The following SPAG17 variants were observed in gnomAD, a reference collection of about 807,000 sequenced individuals.
The protein encoded by SPAG17 is sperm associated antigen 17, also known as sperm-associated antigen 17.
Under a neutral mutation model 273.6 loss-of-function variants are expected in SPAG17, and 169 were observed. The ratio of observed to expected loss-of-function variants is 0.62; its 90% CI spans 0.55 to 0.70. The LOEUF is 0.70. Ranked by LOEUF, SPAG17 falls within the 30% of genes least tolerant of loss-of-function variation. SPAG17 has a pLI of 0.00. For missense variants in SPAG17, 2,557 were observed against 2,627.8 expected (o/e 0.97, Z 0.59); for synonymous variants, 825 against 873.2 (o/e 0.94, Z 0.97).
intron 10 of SPAG17, among the ~76,000 whole-genome samples, chr1:118,088,274 T>C (rs1655139042): frequency 6.6e-6 from 1 of 152,222 alleles, no homozygotes; most frequent in Admixed American, 6.5e-5. Flanking sequence ...GATCTACTGG[T>C]TGACTTCTAT....
intron 3 of SPAG17, among the ~76,000 whole-genome samples, chr1:118,130,209 T>A (rs12406952): frequency 2.0e-5 from 3 of 152,116 alleles, no homozygotes; most frequent in Admixed American, 2.0e-4. Context: ...AGCAGATGGA[T>A]GCTGCATAGT....
intron 38 of SPAG17, among the ~76,000 whole-genome samples, chr1:117,989,979 C>G (rs1656896196): frequency 6.6e-6 from 1 of 152,090 alleles, no homozygotes; most frequent in Non-Finnish European, 1.5e-5. Context: ...TAAAATTTAA[C>G]TAGGCCTTCT....
At chr1:118,006,071 C>A (rs1658844665) in intron 31 of SPAG17, among the ~76,000 whole-genome samples, 1 of 152,152 alleles carries the variant, frequency 6.6e-6, no homozygotes, top group Admixed American at 6.5e-5. Context: ...TAATAGACTT[C>A]ATGTAATGAA....
chr1:118,090,709 C>A (rs1052469818), intron 10 of SPAG17, among the ~76,000 whole-genome samples: 1 of 151,920 alleles, frequency 6.6e-6, no homozygotes, highest in Non-Finnish European at 1.5e-5. Flanking sequence ...CATAGCAAGG[C>A]CTTGTCTCTC....
At chr1:118,082,358 A>C (rs888653431) in intron 13 of SPAG17, among the ~76,000 whole-genome samples, 4 of 152,204 alleles carry the variant, frequency 2.6e-5, no homozygotes, top group Non-Finnish European at 4.4e-5. Flanking sequence ...ATGGAATTCA[A>C]TCAGAAAAAA....
chr1:118,063,580 T>TA (rs1435394006), intron 18 of SPAG17, among the ~76,000 whole-genome samples: 5 of 152,100 alleles, frequency 3.3e-5, no homozygotes, highest in African/African-American at 1.2e-4. Context: ...ATACAAAAAT[T>TA]AAGTCAAGAT....
chr1:118,040,715 G>T lies in SPAG17; in HGVS notation c.3166+15C>A. 7 of 1,493,438 alleles carry T rather than the reference G, an allele frequency of 4.7e-6. No homozygotes were observed. The highest frequency in any genetic ancestry group is 6.5e-6 in the Non-Finnish European group (7 of 1,069,630). The allele number at this position is 1,493,438 out of a possible 1,614,324, so 92.5% of individuals were successfully genotyped here. On this transcript the variant is annotated intron_variant, in intron 22 of 48. Coordinates refer to ENST00000336338, the MANE Select transcript of SPAG17 (RefSeq NM_206996.4). ...TTATGTTTCCAATCATTAACCAGTTGCTTTCAAAATGTACCTTTTTCAAAC... is the reference window on the plus strand; with the variant it reads ...TTATGTTTCCAATCATTAACCAGTTTCTTTCAAAATGTACCTTTTTCAAAC...
At chr1:118,131,354 C>T (rs956371785) in intron 3 of SPAG17, among the ~76,000 whole-genome samples, 1 of 152,198 alleles carries the variant, frequency 6.6e-6, no homozygotes, top group African/African-American at 2.4e-5. Flanking sequence ...GCTCCATCCC[C>T]TCCTTCAGAT....
chr1:118,006,464 G>A (rs1658892507), intron 31 of SPAG17, among the ~76,000 whole-genome samples: 1 of 152,110 alleles, frequency 6.6e-6, no homozygotes, highest in South Asian at 2.1e-4. Flanking sequence ...TCCATTGTAT[G>A]GCTATATCAG....
intron 18 of SPAG17, among the ~76,000 whole-genome samples, chr1:118,061,727 T>C (rs765221378): frequency 3.3e-5 from 5 of 152,234 alleles, no homozygotes; most frequent in Non-Finnish European, 5.9e-5. Flanking sequence ...TTCATGCATA[T>C]GTTCAACCTC....
intron 4 of SPAG17, among the ~76,000 whole-genome samples, chr1:118,108,311 G>A (rs1172883420): frequency 6.6e-6 from 1 of 152,104 alleles, no homozygotes; most frequent in Non-Finnish European, 1.5e-5. Flanking sequence ...TTTGTACCAA[G>A]CCCCAATCAT....
chr1:118,170,897 G>A (rs1041069479), intron 1 of SPAG17, among the ~76,000 whole-genome samples: 3 of 152,126 alleles, frequency 2.0e-5, no homozygotes, highest in African/African-American at 7.2e-5. Flanking sequence ...ACTAGAAAGA[G>A]CAGAAGCAGG....
At chr1:117,972,305 A>G (rs904244142) in intron 44 of SPAG17, among the ~76,000 whole-genome samples, 2 of 152,234 alleles carry the variant, frequency 1.3e-5, no homozygotes, top group Admixed American at 1.3e-4. Flanking sequence ...ATTCAGACTC[A>G]AGTTTGCCTG....
intron 25 of SPAG17, among the ~76,000 whole-genome samples, chr1:118,029,077 C>T (rs1270164553): frequency 6.6e-6 from 1 of 152,002 alleles, no homozygotes; most frequent in Admixed American, 6.6e-5. Flanking sequence ...CAGTCAGACC[C>T]AGTCTCTTTA....
intron 3 of SPAG17, among the ~76,000 whole-genome samples, chr1:118,138,385 C>G (rs1009313807): frequency 6.6e-6 from 1 of 152,118 alleles, no homozygotes; most frequent in Non-Finnish European, 1.5e-5. Flanking sequence ...TGAGTGAACA[C>G]TGTATCATTT....
intron 43 of SPAG17, 32 bp from the exon 44 acceptor site, chr1:117,973,593 T>C: frequency 6.3e-7 from 1 of 1,594,564 alleles, no homozygotes; most frequent in Non-Finnish European, 8.6e-7. Flanking sequence ...TTATGCCACA[T>C]GGACATTTTA....
intron 4 of SPAG17, among the ~76,000 whole-genome samples, chr1:118,104,667 G>A (rs1656278257): frequency 6.6e-6 from 1 of 152,162 alleles, no homozygotes; most frequent in Admixed American, 6.5e-5. Flanking sequence ...TAAAAAGATA[G>A]GGAAAAATAT....
At chr1:118,135,608 G>T (rs569555771) in intron 3 of SPAG17, among the ~76,000 whole-genome samples, 1 of 152,078 alleles carries the variant, frequency 6.6e-6, no homozygotes, top group East Asian at 1.9e-4. Context: ...TCCCTGACTT[G>T]GTTTACTGTT....
chr1:118,086,087 C>T lies in SPAG17; in HGVS notation c.1612-15G>A. 1 of 1,612,548 alleles carries T rather than the reference C, an allele frequency of 6.2e-7. No individual in the cohort carries two copies. Among genetic ancestry groups the T allele is most frequent in the South Asian group, 1.1e-5 (1 of 90,768 alleles). On this transcript the variant is annotated splice_polypyrimidine_tract_variant and intron_variant, in intron 12 of 48. Transcript: ENST00000336338. ...TTCTTTTGGTCCTGATGAAAAAGAG[C>T]AACATGACAGAAGACATTAGAGTAA... is the stretch of plus-strand genomic sequence containing the variant.
Sources: gnomAD v4.1 joint callset for allele counts (sites outside exome capture counted in the v4.1 genomes callset) on GRCh38, gnomAD v4.1.1 for gene constraint, MANE v1.5 for transcripts, NCBI Gene and HGNC (gene_info 2026-07-23, HGNC 2026-07-21) for gene names.